PALS2: variants seen among roughly 807,000 people sequenced by gnomAD.
The protein encoded by PALS2 is protein PALS2.
Under a neutral mutation model 61.6 loss-of-function variants are expected in PALS2, and 27 were observed. The ratio of observed to expected loss-of-function variants is 0.44; its 90% CI spans 0.32 to 0.60. The LOEUF is 0.60. PALS2 is among the 20% of genes least tolerant of loss of function. The pLI is 0.05. For missense variants in PALS2, 554 were observed against 639.4 expected, an observed-to-expected ratio of 0.87 and a Z score of 1.44; for synonymous variants, 236 against 218.6, an observed-to-expected ratio of 1.08 and a Z score of -0.70.
At chr7:24,597,797 T>C (rs1034881146) in intron 1 of PALS2, among the ~76,000 whole-genome samples, 3 of 152,282 alleles carry the variant, frequency 2.0e-5, no homozygotes, top group African/African-American at 7.2e-5. Context: ...GGTGATAAGC[T>C]CTTTTTTTCC....
intron 2 of PALS2, among the ~76,000 whole-genome samples, chr7:24,640,315 C>G (rs1460264220): frequency 6.6e-6 from 1 of 151,830 alleles, no homozygotes; most frequent in East Asian, 1.9e-4. Flanking sequence ...ACTTATTTTA[C>G]TCCTGTGAAT....
intron 9 of PALS2, among the ~76,000 whole-genome samples, chr7:24,670,936 G>A (rs1787265508): frequency 6.6e-6 from 1 of 152,090 alleles, no homozygotes; most frequent in South Asian, 2.1e-4. Flanking sequence ...TCAGTTGATG[G>A]ACATTTGGAC....
chr7:24,588,432 C>T (rs1336538879), intron 1 of PALS2, among the ~76,000 whole-genome samples: 5 of 152,124 alleles, frequency 3.3e-5, no homozygotes, highest in African/African-American at 1.2e-4. Flanking sequence ...CTTGAGGCAT[C>T]ACTCTATTTT....
intron 1 of PALS2, among the ~76,000 whole-genome samples, chr7:24,615,725 C>T (rs1433132331): frequency 6.6e-6 from 1 of 151,974 alleles, no homozygotes; most frequent in Non-Finnish European, 1.5e-5. Flanking sequence ...CCAAAATAAC[C>T]CTGATACCAA....
In PALS2 at chr7:24,688,126, T is replaced by A. The variant is rs1486353472; in HGVS notation, c.*512T>A. ...CAGAATTTTAAGTCAGTGTTATAGCTAGTCTACTACCATCTAAATCTGACA... is the reference window on the plus strand; with the variant it reads ...CAGAATTTTAAGTCAGTGTTATAGCAAGTCTACTACCATCTAAATCTGACA... On this transcript the variant is annotated 3_prime_UTR_variant, in exon 12 of 12. Transcript: ENST00000222644. The A allele has an allele frequency of 6.6e-6, 1 of 152,328 alleles. No homozygotes were observed. The highest frequency in any genetic ancestry group is 1.5e-5 in the Non-Finnish European group (1 of 68,114). 9.4% of individuals were successfully genotyped at this position (152,328 alleles called of 1,614,324 possible).
At chr7:24,619,475 T>C (rs1045174628) in intron 1 of PALS2, among the ~76,000 whole-genome samples, 1 of 151,526 alleles carries the variant, frequency 6.6e-6, no homozygotes, top group Non-Finnish European at 1.5e-5. Context: ...CCCAGCACTT[T>C]GGGAGGCCGA....
Position 24,664,660 on chromosome 7 carries a change from A to G in PALS2, c.784-928A>G, listed in dbSNP as rs192333063. On this transcript the variant is annotated intron_variant, in intron 6 of 11. Transcript: ENST00000222644. The stretch of plus-strand genomic sequence containing the variant: ...GTCCTTAAATTTAACTTAAAACATT[A>G]TGTATAAGTGCACTATGTGTTGAGA... Among the ~76,000 whole-genome samples the G allele has an allele frequency of 9.6e-3, 1,459 of 152,270 alleles. 21 individuals are homozygous for G. Among genetic ancestry groups the G allele is most frequent in the African/African-American group, 0.033 (1,371 of 41,562 alleles).
At chr7:24,642,702 CAAT>C (rs1785624779) in intron 3 of PALS2, among the ~76,000 whole-genome samples, 1 of 152,108 alleles carries the variant, frequency 6.6e-6, no homozygotes, top group Non-Finnish European at 1.5e-5. Context: ...GACTCTTCAA[CAAT>C]GTTACTGCAA....
intron 11 of PALS2, among the ~76,000 whole-genome samples, chr7:24,682,062 G>A (rs1562665857): frequency 6.6e-6 from 1 of 152,110 alleles, no homozygotes; most frequent in Non-Finnish European, 1.5e-5. Flanking sequence ...CAGACATTGT[G>A]AGCTTTGTTC....
At chr7:24,580,711 T>C (rs1311299887) in intron 1 of PALS2, among the ~76,000 whole-genome samples, 1 of 152,260 alleles carries the variant, frequency 6.6e-6, no homozygotes, top group Non-Finnish European at 1.5e-5. Flanking sequence ...AGATGATTTA[T>C]GTGTTTTCGT....
rs1401314742 is a variant in PALS2, at chr7:24,692,241, A to G, written c.*4627A>G. 1 of 152,180 alleles carries G rather than the reference A, an allele frequency of 6.6e-6. No homozygotes were observed. The highest frequency in any genetic ancestry group is 1.5e-5 in the Non-Finnish European group (1 of 68,012). 9.4% of individuals were successfully genotyped at this position (152,180 alleles called of 1,614,324 possible). A position where few individuals can be genotyped will look rare whatever the true frequency, so the allele number is the denominator to read the frequency against. ...ATGGTTCACACCACTTTGGCAATAC[A>G]CTGCAGTACTTTTTAAAAAATATTC... On this transcript the variant is annotated 3_prime_UTR_variant, in exon 12 of 12. Transcript: ENST00000222644.
At chr7:24,680,629 T>C in intron 11 of PALS2, 109 bp downstream of exon 11, 2 of 1,350,246 alleles carry the variant, frequency 1.5e-6, no homozygotes, top group Non-Finnish European at 2.0e-6. Flanking sequence ...AGAGTTTTGC[T>C]TTGTCACCCA....
intron 5 of PALS2, among the ~76,000 whole-genome samples, chr7:24,661,778 TTTC>T (rs1370649688): frequency 1.3e-5 from 2 of 152,236 alleles, no homozygotes; most frequent in Non-Finnish European, 2.9e-5. Flanking sequence ...TTGTTTATAT[TTTC>T]TTAATTTATT....
intron 1 of PALS2, among the ~76,000 whole-genome samples, chr7:24,613,411 G>A (rs996907888): frequency 5.3e-5 from 8 of 151,490 alleles, no homozygotes; most frequent in Admixed American, 3.3e-4. Flanking sequence ...TATACCTACA[G>A]TTATTTTCTC....
intron 2 of PALS2, among the ~76,000 whole-genome samples, chr7:24,626,211 T>G (rs1016764134): frequency 1.3e-5 from 2 of 152,048 alleles, no homozygotes; most frequent in African/African-American, 4.8e-5. Flanking sequence ...TATCTGAAAT[T>G]AGTTCACTGA....
At chr7:24,640,835 T>A (rs180841373) in intron 2 of PALS2, among the ~76,000 whole-genome samples, 1 of 151,696 alleles carries the variant, frequency 6.6e-6, no homozygotes, top group Non-Finnish European at 1.5e-5. Context: ...GGTGAAACCC[T>A]GTCTCTACTA....
rs1014744888 is a variant in PALS2, at chr7:24,691,576, T to G, written c.*3962T>G. On this transcript the variant is annotated 3_prime_UTR_variant, in exon 12 of 12. Transcript: ENST00000222644. ...CCATTTCTTTGACATTCTGAAACTT[T>G]TTTTAGATTGTTTTAAAACGCTCTG... The G allele has an allele frequency of 6.6e-6, 1 of 151,462 alleles. No individual in the cohort carries two copies. Among genetic ancestry groups the G allele is most frequent in the Non-Finnish European group, 1.5e-5 (1 of 67,782 alleles). 9.4% of individuals were successfully genotyped at this position (151,462 alleles called of 1,614,324 possible). A position where few individuals can be genotyped will look rare whatever the true frequency, so the allele number is the denominator to read the frequency against.
chr7:24,660,380 T>C (rs2128084696), intron 5 of PALS2, among the ~76,000 whole-genome samples: 1 of 152,320 alleles, frequency 6.6e-6, no homozygotes, highest in African/African-American at 2.4e-5. Context: ...AATTTCTTCA[T>C]TCATATGCAA....
intron 1 of PALS2, among the ~76,000 whole-genome samples, chr7:24,623,252 T>G (rs1420124286): frequency 6.6e-6 from 1 of 151,596 alleles, no homozygotes; most frequent in African/African-American, 2.4e-5. Flanking sequence ...TAATTCTTTT[T>G]TAACTGTTTG....
Sources: allele counts gnomAD v4.1 joint callset (sites outside exome capture counted in the v4.1 genomes callset), GRCh38; gene constraint gnomAD v4.1.1; transcripts MANE v1.5; gene names NCBI Gene and HGNC (gene_info 2026-07-23, HGNC 2026-07-21).